ABCC4: variants seen among roughly 807,000 people sequenced by gnomAD.
ABCC4 encodes the protein ATP-binding cassette sub-family C member 4.
Under a neutral mutation model 168.5 loss-of-function variants are expected in ABCC4, and 102 were observed. The observed-to-expected ratio is 0.61, with a 90% CI of 0.52 to 0.71. The LOEUF (loss-of-function observed/expected upper bound fraction) is 0.71, where lower values mean the gene tolerates loss of function less well. Among genes scored for constraint, ABCC4 ranks in the 30% least tolerant of loss-of-function variants. The pLI is 0.00. For synonymous variants in ABCC4, 617 were observed against 590.7 expected (o/e 1.04, Z -0.65); for missense variants, 1,402 against 1,605.8 (o/e 0.87, Z 2.17).
At chr13:95,083,112 CT>C in intron 21 of ABCC4, 27 bp downstream of exon 21, 1 of 1,611,328 alleles carries the variant, frequency 6.2e-7, no homozygotes, top group Non-Finnish European at 8.5e-7. Context: ...GCTAGCATGT[CT>C]ATACCAACCC....
In ABCC4 at chr13:95,188,454, T is replaced by C; in HGVS notation, c.1352A>G (p.Lys451Arg). The stretch of plus-strand genomic sequence containing the variant: ...CTGCCAAAAGCCATTCTAACTCACC[T>C]TCCCTGCTCCCACGGGGCCGACCAC... ...LAVVGPVGAG[K>R]SSLLSAVLGE... The change falls in exon 10 of 31, where the codon AAG becomes AGG. Residue 451 changes from lysine (K) to arginine (R), a missense_variant and splice_region_variant. Lys to Arg is a conservative substitution (Grantham distance 26). Coordinates refer to ENST00000645237, the MANE Select transcript of ABCC4 (RefSeq NM_005845.5). 1 of 1,614,132 alleles carries C rather than the reference T, an allele frequency of 6.2e-7. No individual in the cohort carries two copies. Among genetic ancestry groups the C allele is most frequent in the Non-Finnish European group, 8.5e-7 (1 of 1,179,966 alleles).
chr13:95,172,367 A>G (rs548775861), intron 13 of ABCC4, among the ~76,000 whole-genome samples: 5 of 152,262 alleles, frequency 3.3e-5, no homozygotes, highest in Non-Finnish European at 7.4e-5. Flanking sequence ...AGATCACTTG[A>G]GGTCGGGAGT....
intron 8 of ABCC4, among the ~76,000 whole-genome samples, chr13:95,198,412 C>G (rs1284264695): frequency 6.6e-6 from 1 of 152,116 alleles, no homozygotes; most frequent in Non-Finnish European, 1.5e-5. Context: ...AATGAGATAC[C>G]ATCTCACACC....
chr13:95,256,344 C>A (rs2040391289), intron 1 of ABCC4, among the ~76,000 whole-genome samples: 1 of 152,186 alleles, frequency 6.6e-6, no homozygotes, highest in African/African-American at 2.4e-5. Context: ...TGACGACTAG[C>A]CAGAGATGCC....
chr13:95,185,127 C>T (rs2038016555), intron 11 of ABCC4, among the ~76,000 whole-genome samples: 2 of 151,984 alleles, frequency 1.3e-5, no homozygotes, highest in Non-Finnish European at 2.9e-5. Context: ...TTTAAAAAAG[C>T]GAGGCTAGCA....
intron 9 of ABCC4, among the ~76,000 whole-genome samples, chr13:95,192,829 G>GA (rs1555328835): frequency 6.6e-6 from 1 of 152,170 alleles, no homozygotes; most frequent in Non-Finnish European, 1.5e-5. Context: ...TGAGGCAGGA[G>GA]AATCACTTGA....
At chr13:95,257,323 A>C (rs1370997811) in intron 1 of ABCC4, among the ~76,000 whole-genome samples, 1 of 152,194 alleles carries the variant, frequency 6.6e-6, no homozygotes, top group Admixed American at 6.5e-5. Flanking sequence ...CTGAAGAGGA[A>C]GAGGAAGATG....
rs949422413 is a variant in ABCC4, at chr13:95,074,535, A to T, written c.2807-211T>A. The stretch of plus-strand genomic sequence containing the variant: ...GTGGCTTTCTGTGAGGATGCATGCG[A>T]ATATGAAACCCAGAAATATGATCCT... On this transcript the variant is annotated intron_variant, in intron 22 of 30. Transcript: ENST00000645237. 2.6e-5 allele frequency among the ~76,000 whole-genome samples: 4 copies of T among 152,224 alleles called. 1 individual carries two copies. In the South Asian group the frequency reaches 8.3e-4, roughly 32 times the overall value.
rs377144461 is a variant in ABCC4, at chr13:95,157,868, G to A, written c.2455+3321C>T. On this transcript the variant is annotated intron_variant, in intron 19 of 30. Transcript: ENST00000645237. Reference sequence around the variant, plus strand: ...GGGCAGATCACGAGGTCAGGAGATCGAGACCATCCTGGCCAACACGGTGAA... The same window carrying A: ...GGGCAGATCACGAGGTCAGGAGATCAAGACCATCCTGGCCAACACGGTGAA... Among the ~76,000 whole-genome samples, 9 of 152,022 alleles carry A rather than the reference G, an allele frequency of 5.9e-5. No individual in the cohort carries two copies. The East Asian group carries it at 1.2e-3, about 20-fold the overall frequency.
At chr13:95,272,331 C>A (rs1185099853) in intron 1 of ABCC4, among the ~76,000 whole-genome samples, 1 of 152,120 alleles carries the variant, frequency 6.6e-6, no homozygotes, top group African/African-American at 2.4e-5. Flanking sequence ...TGAGCCAACA[C>A]GCCAAGCCTC....
At chr13:95,254,266 C>A (rs2040340001) in intron 1 of ABCC4, among the ~76,000 whole-genome samples, 1 of 152,154 alleles carries the variant, frequency 6.6e-6, no homozygotes, top group Non-Finnish European at 1.5e-5. Flanking sequence ...CAGAATTTCT[C>A]AGAGTATTAT....
Position 95,277,689 on chromosome 13 carries a change from G to C in ABCC4, c.74+23552C>G, listed in dbSNP as rs117739187. ...GTTTCCCAGGAGGACAAAGCCCCCA[G>C]TGACAAGAGCAGGGTCAACAAGTTC... On this transcript the variant is annotated intron_variant, in intron 1 of 30. Coordinates refer to ENST00000645237, the MANE Select transcript of ABCC4 (RefSeq NM_005845.5). Among the ~76,000 whole-genome samples, 1,386 of 152,204 alleles carry C rather than the reference G, an allele frequency of 9.1e-3. 35 individuals carry two copies. Among genetic ancestry groups the C allele is most frequent in the East Asian group, 0.086 (448 of 5,182 alleles).
intron 9 of ABCC4, among the ~76,000 whole-genome samples, chr13:95,191,181 G>A (rs900337047): frequency 1.3e-5 from 2 of 152,100 alleles, no homozygotes; most frequent in Non-Finnish European, 2.9e-5. Flanking sequence ...AGAAAGCACG[G>A]TGGGGGAATA....
At chr13:95,195,283 G>A (rs898071158) in intron 8 of ABCC4, among the ~76,000 whole-genome samples, 4 of 152,286 alleles carry the variant, frequency 2.6e-5, no homozygotes, top group African/African-American at 9.6e-5. Flanking sequence ...TACTAATGGT[G>A]AACACGGGAG....
chr13:95,274,391 C>T (rs1282258603), intron 1 of ABCC4, among the ~76,000 whole-genome samples: 1 of 152,164 alleles, frequency 6.6e-6, no homozygotes, highest in African/African-American at 2.4e-5. Context: ...ACCAACCAAC[C>T]CAGAGCTATG....
chr13:95,163,157 T>A lies in ABCC4; in HGVS notation c.2273A>T (p.Lys758Met). 6.2e-7 allele frequency: 1 copy of A among 1,613,616 alleles called. No individual in the cohort carries two copies. The highest frequency in any genetic ancestry group is 8.5e-7 in the Non-Finnish European group (1 of 1,179,592). Residue 758 changes from lysine to methionine, a missense_variant, in exon 18 of 31, where the codon AAG (lysine) becomes ATG (methionine). Transcript: ENST00000645237. ...TVNGGGNVTE[K>M]LDLNWYLGIY... ...TCCTAAGTACCAGTTAAGATCTAGCTTCTCGGTTACATTTCCTCCTCCATT... is the reference window on the plus strand; with the variant it reads ...TCCTAAGTACCAGTTAAGATCTAGCATCTCGGTTACATTTCCTCCTCCATT...
chr13:95,084,421 C>T (rs1342435369), intron 20 of ABCC4, among the ~76,000 whole-genome samples: 1 of 152,146 alleles, frequency 6.6e-6, no homozygotes, highest in Admixed American at 6.5e-5. Context: ...AACACACTTA[C>T]ATAAGAAATT....
chr13:95,052,967 T>G, intron 27 of ABCC4, 128 bp downstream of exon 27: 9 of 741,950 alleles, frequency 1.2e-5, no homozygotes, highest in East Asian at 5.3e-5. Flanking sequence ...ACATCCTCAA[T>G]GATCTCCTGG....
intron 26 of ABCC4, among the ~76,000 whole-genome samples, chr13:95,056,040 A>G (rs2033040959): frequency 6.6e-6 from 1 of 152,298 alleles, no homozygotes; most frequent in Non-Finnish European, 1.5e-5. Context: ...CTTCTGGAAG[A>G]CAAGCCTCTC....
Sources: gnomAD v4.1 joint callset for allele counts (sites outside exome capture counted in the v4.1 genomes callset) on GRCh38, gnomAD v4.1.1 for gene constraint, MANE v1.5 for transcripts, NCBI Gene and HGNC (gene_info 2026-07-23, HGNC 2026-07-21) for gene names.